SPMIP7: variants seen among roughly 807,000 people sequenced by gnomAD.
SPMIP7 encodes the protein protein SPMIP7.
the SPMIP7 span, among the ~76,000 whole-genome samples, chr7:50,118,507 T>C: frequency 6.6e-6 from 1 of 152,242 alleles, no homozygotes; most frequent in Admixed American, 6.5e-5. Context: ...GGGATATCTG[T>C]ATATTTACAT....
the SPMIP7 span, among the ~76,000 whole-genome samples, chr7:50,099,570 CAG>C: frequency 6.6e-6 from 1 of 152,118 alleles, no homozygotes; most frequent in Non-Finnish European, 1.5e-5. Flanking sequence ...TCAGCCTGGC[CAG>C]AGATTTGGGA....
At chr7:50,153,684 C>A in the SPMIP7 span, among the ~76,000 whole-genome samples, 2 of 152,212 alleles carry the variant, frequency 1.3e-5, no homozygotes, top group Non-Finnish European at 2.9e-5. Context: ...CACACACAAG[C>A]TGCCTGGGGC....
the SPMIP7 span, among the ~76,000 whole-genome samples, chr7:50,107,853 G>C: frequency 6.6e-6 from 1 of 152,212 alleles, no homozygotes; most frequent in Non-Finnish European, 1.5e-5. Context: ...CCAGCACCAA[G>C]AGTAGTGGCA....
At chr7:50,138,551 A>G in the SPMIP7 span, among the ~76,000 whole-genome samples, 2 of 152,204 alleles carry the variant, frequency 1.3e-5, no homozygotes, top group African/African-American at 4.8e-5. Context: ...TCATCGCCTC[A>G]GTGGAATGGT....
At chr7:50,141,339 T>A in the SPMIP7 span, 4 of 1,552,018 alleles carry the variant, frequency 2.6e-6, no homozygotes, top group Non-Finnish European at 3.5e-6. Context: ...AGACATCGCA[T>A]CGCTAGCCAA....
the SPMIP7 span, among the ~76,000 whole-genome samples, chr7:50,125,235 TATACACATATATAC>T: frequency 2.6e-4 from 13 of 50,568 alleles, 1 homozygote; most frequent in South Asian, 2.5e-3. Flanking sequence ...TACACATATA[TATACACATATATAC>T]ACATATATAT....
At chr7:50,106,749 A>AG in the SPMIP7 span, among the ~76,000 whole-genome samples, 1 of 152,222 alleles carries the variant, frequency 6.6e-6, no homozygotes, top group Admixed American at 6.5e-5. Flanking sequence ...ATGTTGAAGG[A>AG]GAAAAAAATG....
the SPMIP7 span, chr7:50,117,343 G>A: frequency 5.0e-4 from 210 of 419,122 alleles, 2 homozygotes; most frequent in South Asian, 2.7e-3. Context: ...GTTTAAAAGC[G>A]GTAGCAGCAG....
At chr7:50,158,137 G>T in the SPMIP7 span, among the ~76,000 whole-genome samples, 2 of 148,566 alleles carry the variant, frequency 1.3e-5, no homozygotes, top group Non-Finnish European at 3.0e-5. Context: ...TCTGGCCTAT[G>T]GCCCATGGGT....
At chr7:50,158,964 G>T in the SPMIP7 span, 10 of 1,414,192 alleles carry the variant, frequency 7.1e-6, no homozygotes, top group Non-Finnish European at 9.6e-6. Flanking sequence ...CCGCACAGGG[G>T]TATCATTAGT....
chr7:50,098,597 A>C, the SPMIP7 span, among the ~76,000 whole-genome samples: 2 of 152,200 alleles, frequency 1.3e-5, no homozygotes, highest in Admixed American at 1.3e-4. Flanking sequence ...CTGGGAAGCC[A>C]AGAATCATGG....
chr7:50,126,720 C>G, the SPMIP7 span, among the ~76,000 whole-genome samples: 6 of 151,712 alleles, frequency 4.0e-5, no homozygotes, highest in African/African-American at 1.5e-4. Context: ...TATTCACTTA[C>G]CATTAAAATT....
chr7:50,113,189 C>T, the SPMIP7 span, among the ~76,000 whole-genome samples: 38 of 152,032 alleles, frequency 2.5e-4, no homozygotes, highest in African/African-American at 7.7e-4. Context: ...TAAAAGCATC[C>T]GACTGATTCC....
chr7:50,117,557 C>A, the SPMIP7 span: 41 of 203,966 alleles, frequency 2.0e-4, 1 homozygote, highest in South Asian at 2.9e-3. Context: ...TACTCTACTA[C>A]CCCTGCCTCA....
At chr7:50,141,360 T>G in the SPMIP7 span, 1 of 1,551,338 alleles carries the variant, frequency 6.4e-7, no homozygotes, top group African/African-American at 1.4e-5. Context: ...GCAGCGGTAC[T>G]CTAAGCCTCT....
the SPMIP7 span, among the ~76,000 whole-genome samples, chr7:50,138,345 T>C: frequency 6.6e-6 from 1 of 152,192 alleles, no homozygotes; most frequent in Non-Finnish European, 1.5e-5. Flanking sequence ...ATAGGAAATA[T>C]AAAAGTGAAT....
the SPMIP7 span, among the ~76,000 whole-genome samples, chr7:50,127,649 G>A: frequency 8.7e-6 from 1 of 114,540 alleles, no homozygotes; most frequent in Non-Finnish European, 1.8e-5. Context: ...ATTAAAAATG[G>A]GCAAAAGATA....
At chr7:50,153,592 G>A in the SPMIP7 span, among the ~76,000 whole-genome samples, 1 of 152,188 alleles carries the variant, frequency 6.6e-6, no homozygotes, top group Admixed American at 6.5e-5. Context: ...TGCTTTGTGG[G>A]TACTAACTCA....
At chr7:50,159,105 T>G in the SPMIP7 span, 1 of 1,551,800 alleles carries the variant, frequency 6.4e-7, no homozygotes, top group Non-Finnish European at 8.7e-7. Flanking sequence ...CTGTCTCGAC[T>G]GGTCACAACT....
Sources: gnomAD v4.1 joint callset for allele counts (sites outside exome capture counted in the v4.1 genomes callset) on GRCh38, gnomAD v4.1.1 for gene constraint, MANE v1.5 for transcripts, NCBI Gene and HGNC (gene_info 2026-07-23, HGNC 2026-07-21) for gene names.